Variants in RORA observed in about 807,000 individuals in gnomAD.
RORA encodes RAR related orphan receptor A.
In RORA, 7 loss-of-function variants were observed where a neutral mutation model predicts 69.5. That is an observed-to-expected ratio of 0.10 (90% CI 0.06 to 0.19). The LOEUF (loss-of-function observed/expected upper bound fraction) is 0.19, where lower values mean the gene tolerates loss of function less well. RORA is among the 10% of genes least tolerant of loss of function. RORA has a pLI of 1.00. For missense variants in RORA, 457 were observed against 663.0 expected (o/e 0.69, Z 3.41); for synonymous variants, 261 against 240.8 (o/e 1.08, Z -0.78).
At chr15:60,977,245 G>A (rs946713754) in intron 1 of RORA, among the ~76,000 whole-genome samples, 22 of 152,026 alleles carry the variant, frequency 1.4e-4, no homozygotes, top group African/African-American at 5.1e-4. Flanking sequence ...TGGGGAGGGG[G>A]TCGTAAATGC....
At chr15:60,940,418 T>C (rs938701272) in intron 1 of RORA, among the ~76,000 whole-genome samples, 7 of 152,226 alleles carry the variant, frequency 4.6e-5, no homozygotes, top group African/African-American at 1.7e-4. Context: ...ATATGTATTA[T>C]ATTATTGTAT....
chr15:60,708,773 T>C (rs1467819881), intron 1 of RORA, among the ~76,000 whole-genome samples: 1 of 152,228 alleles, frequency 6.6e-6, no homozygotes, highest in Admixed American at 6.5e-5. Context: ...TAGAATTATT[T>C]ATATATCAGA....
intron 4 of RORA, among the ~76,000 whole-genome samples, chr15:60,512,868 A>T (rs2065747098): frequency 6.6e-6 from 1 of 152,104 alleles, no homozygotes; most frequent in South Asian, 2.1e-4. Flanking sequence ...CAAACAAAAA[A>T]CCCTATGATT....
chr15:60,519,176 A>G (rs2066070904), intron 3 of RORA, among the ~76,000 whole-genome samples: 1 of 152,198 alleles, frequency 6.6e-6, no homozygotes, highest in African/African-American at 2.4e-5. Context: ...CTGTGTAACA[A>G]ACTTCTTCCT....
At chr15:60,855,374 G>A (rs2073368142) in intron 1 of RORA, among the ~76,000 whole-genome samples, 1 of 152,180 alleles carries the variant, frequency 6.6e-6, no homozygotes, top group Admixed American at 6.5e-5. Flanking sequence ...CTCCCCAGGT[G>A]CTTCTGTTCT....
At chr15:60,774,214 G>A (rs538914635) in intron 1 of RORA, among the ~76,000 whole-genome samples, 4 of 152,184 alleles carry the variant, frequency 2.6e-5, no homozygotes, top group Non-Finnish European at 5.9e-5. Flanking sequence ...TCATGTTATC[G>A]CTCTGAATGG....
chr15:60,521,928 C>G (rs2066180382), intron 3 of RORA, among the ~76,000 whole-genome samples: 3 of 152,090 alleles, frequency 2.0e-5, no homozygotes, highest in Non-Finnish European at 4.4e-5. Flanking sequence ...TGATACGTGT[C>G]TTACCTTCTC....
chr15:61,015,681 G>A (rs1173069319), intron 1 of RORA, among the ~76,000 whole-genome samples: 2 of 152,226 alleles, frequency 1.3e-5, no homozygotes, highest in Non-Finnish European at 2.9e-5. Flanking sequence ...GGGGCTTAAA[G>A]AGATTGAGCA....
At chr15:60,504,526 C>T (rs1439797527) in intron 6 of RORA, among the ~76,000 whole-genome samples, 2 of 152,054 alleles carry the variant, frequency 1.3e-5, no homozygotes, top group Non-Finnish European at 2.9e-5. Flanking sequence ...GTCAGCTTGG[C>T]GACAGAGTGA....
chr15:60,674,046 C>A (rs1322429818), intron 2 of RORA, among the ~76,000 whole-genome samples: 1 of 152,232 alleles, frequency 6.6e-6, no homozygotes, highest in Non-Finnish European at 1.5e-5. Context: ...ACTAAAAGAA[C>A]TTCAGCGTGG....
intron 1 of RORA, among the ~76,000 whole-genome samples, chr15:61,179,505 T>TTAAAAATAA (rs1457725114): frequency 3.9e-5 from 6 of 152,230 alleles, no homozygotes; most frequent in Non-Finnish European, 7.3e-5. Context: ...TTAAAACACA[T>TTAAAAATAA]GTATTTTAAA....
Position 61,128,865 on chromosome 15 carries a change from C to A in RORA, c.166+100188G>T, listed in dbSNP as rs534026449. Among the ~76,000 whole-genome samples, 229 of 152,316 alleles carry A rather than the reference C, an allele frequency of 1.5e-3. No individual in the cohort carries two copies. Among genetic ancestry groups the A allele is most frequent in the African/African-American group, 5.2e-3 (215 of 41,562 alleles). On this transcript the variant is annotated intron_variant, in intron 1 of 10. Coordinates refer to ENST00000335670, the MANE Select transcript of RORA (RefSeq NM_134261.3). The surrounding 1 kb of genome is among the most constrained non-coding windows in gnomAD (Gnocchi z 4.5). ...TGGCCCCAGGAATGAGAGCAACCAACCTGGTCCTGCACGCTCATTTACATG... is the reference window on the plus strand; with the variant it reads ...TGGCCCCAGGAATGAGAGCAACCAAACTGGTCCTGCACGCTCATTTACATG...
intron 1 of RORA, among the ~76,000 whole-genome samples, chr15:61,027,394 C>G (rs1272029492): frequency 6.6e-6 from 1 of 152,180 alleles, no homozygotes. Context: ...AATGAAAGGG[C>G]AGAGGTGGCT....
intron 1 of RORA, among the ~76,000 whole-genome samples, chr15:61,181,549 G>T (rs1248978233): frequency 2.0e-5 from 3 of 152,030 alleles, no homozygotes; most frequent in Admixed American, 6.6e-5. Flanking sequence ...GTCAAAGAGG[G>T]TTTGAAATTC....
intron 1 of RORA, among the ~76,000 whole-genome samples, chr15:60,859,156 C>T (rs147833244): frequency 6.6e-6 from 1 of 152,118 alleles, no homozygotes; most frequent in Admixed American, 6.5e-5. Flanking sequence ...CTCTAAGACC[C>T]AGTTCAGGGC....
At chr15:61,082,504 A>T (rs2078559840) in intron 1 of RORA, among the ~76,000 whole-genome samples, 1 of 152,180 alleles carries the variant, frequency 6.6e-6, no homozygotes, top group Non-Finnish European at 1.5e-5. Flanking sequence ...AAACAAACAA[A>T]AAAACCACAT....
intron 1 of RORA, among the ~76,000 whole-genome samples, chr15:60,929,264 T>G (rs1000667416): frequency 2.0e-5 from 3 of 152,160 alleles, no homozygotes; most frequent in Non-Finnish European, 4.4e-5. Context: ...CCTGGCCAGG[T>G]CCCTCCTCCT....
At chr15:61,116,761 AT>A (rs5813072) in intron 1 of RORA, among the ~76,000 whole-genome samples, 69,761 of 151,630 alleles carry the variant, frequency 0.46, 17,126 homozygotes, top group East Asian at 0.64. Flanking sequence ...AGCTGAGAGA[AT>A]TTTTTTTTCT....
At chr15:60,890,420 T>C (rs2140456944) in intron 1 of RORA, among the ~76,000 whole-genome samples, 1 of 152,268 alleles carries the variant, frequency 6.6e-6, no homozygotes, top group South Asian at 2.1e-4. Flanking sequence ...CATCAAGAGG[T>C]GTACCGCTTG....
Sources: gnomAD v4.1 joint callset for allele counts (sites outside exome capture counted in the v4.1 genomes callset) on GRCh38, gnomAD v4.1.1 for gene constraint, Gnocchi (gnomAD v3.1) non-coding constraint, MANE v1.5 for transcripts, NCBI Gene and HGNC (gene_info 2026-07-23, HGNC 2026-07-21) for gene names.